The following PIP4K2A variants were observed in gnomAD, a reference collection of about 807,000 sequenced individuals.
PIP4K2A encodes phosphatidylinositol-5-phosphate 4-kinase type 2 alpha, also known as phosphatidylinositol 5-phosphate 4-kinase type-2 alpha.
Under a neutral mutation model 42.9 loss-of-function variants are expected in PIP4K2A, and 14 were observed. That is an observed-to-expected ratio of 0.33 (90% confidence interval 0.22 to 0.51). The LOEUF (loss-of-function observed/expected upper bound fraction) is 0.51. PIP4K2A is among the 20% of genes least tolerant of loss of function. The pLI is 0.97. For missense variants in PIP4K2A, 434 were observed against 519.8 expected (o/e 0.83, Z 1.61); for synonymous variants, 192 against 192.2 (o/e 1.00, Z 0.01).
At chr10:22,651,963 G>T (rs1357934194) in intron 1 of PIP4K2A, among the ~76,000 whole-genome samples, 1 of 152,156 alleles carries the variant, frequency 6.6e-6, no homozygotes, top group Non-Finnish European at 1.5e-5. Context: ...TGCAGAGACT[G>T]AGCCACTATT....
chr10:22,579,404 T>A (rs1332092063), intron 4 of PIP4K2A, among the ~76,000 whole-genome samples: 2 of 152,222 alleles, frequency 1.3e-5, no homozygotes, highest in African/African-American at 2.4e-5. Context: ...CTTAAAATTC[T>A]CTCAACTTCC....
At chr10:22,702,779 G>T (rs1040367349) in intron 1 of PIP4K2A, among the ~76,000 whole-genome samples, 2 of 152,062 alleles carry the variant, frequency 1.3e-5, no homozygotes, top group African/African-American at 2.4e-5. Context: ...TACCACCTGA[G>T]AACTAATGGC....
chr10:22,613,018 G>A (rs1838091623), intron 1 of PIP4K2A, among the ~76,000 whole-genome samples: 1 of 152,182 alleles, frequency 6.6e-6, no homozygotes, highest in African/African-American at 2.4e-5. Flanking sequence ...CAAGCCTGGA[G>A]AAGAGGATGA....
intron 1 of PIP4K2A, among the ~76,000 whole-genome samples, chr10:22,638,669 G>A (rs1838718339): frequency 6.6e-6 from 1 of 151,810 alleles, no homozygotes. Flanking sequence ...GAAGGGGGAG[G>A]GAAAAAAACC....
intron 1 of PIP4K2A, among the ~76,000 whole-genome samples, chr10:22,642,662 A>G (rs1001073557): frequency 1.7e-5 from 2 of 117,906 alleles, no homozygotes; most frequent in African/African-American, 6.5e-5. Context: ...ATAATAGAAC[A>G]GTGTATTTAT....
intron 1 of PIP4K2A, among the ~76,000 whole-genome samples, chr10:22,633,767 T>C (rs957399722): frequency 3.9e-5 from 6 of 152,158 alleles, no homozygotes; most frequent in East Asian, 1.9e-4. Context: ...AACACTCGCA[T>C]GTAGTTTTGT....
chr10:22,564,284 G>A (rs1316529155), intron 6 of PIP4K2A, among the ~76,000 whole-genome samples: 1 of 152,162 alleles, frequency 6.6e-6, no homozygotes, highest in African/African-American at 2.4e-5. Flanking sequence ...CAGCAACCAC[G>A]CCATTAGCTG....
intron 7 of PIP4K2A, among the ~76,000 whole-genome samples, chr10:22,549,421 C>T (rs1836343272): frequency 6.6e-6 from 1 of 151,626 alleles, no homozygotes; most frequent in Non-Finnish European, 1.5e-5. Flanking sequence ...AGTAGCAGAT[C>T]CGTACTGGTG....
intron 1 of PIP4K2A, among the ~76,000 whole-genome samples, chr10:22,686,654 G>C (rs1289516496): frequency 6.6e-6 from 1 of 151,996 alleles, no homozygotes; most frequent in African/African-American, 2.4e-5. Context: ...TTTTTTAGTA[G>C]AAACGAGGTC....
At chr10:22,694,180 G>A (rs1241402867) in intron 1 of PIP4K2A, 1 of 152,160 alleles carries the variant, frequency 6.6e-6, no homozygotes, top group African/African-American at 2.4e-5. Context: ...GATGTGTATA[G>A]GCGAGGGGTA....
At chr10:22,620,021 C>T (rs1024036611) in intron 1 of PIP4K2A, among the ~76,000 whole-genome samples, 1 of 152,162 alleles carries the variant, frequency 6.6e-6, no homozygotes, top group Non-Finnish European at 1.5e-5. Context: ...AAACAAGAAT[C>T]ATTAAGTCAA....
chr10:22,712,631 T>A (rs2130934721), intron 1 of PIP4K2A, among the ~76,000 whole-genome samples: 1 of 152,354 alleles, frequency 6.6e-6, no homozygotes, highest in South Asian at 2.1e-4. Context: ...TCATTTTCCG[T>A]AATAAAACTT....
chr10:22,655,769 TACTC>T (rs1483680226), intron 1 of PIP4K2A, among the ~76,000 whole-genome samples: 2 of 152,226 alleles, frequency 1.3e-5, no homozygotes, highest in African/African-American at 4.8e-5. Context: ...TTCGCTTACT[TACTC>T]ATTTATTGAC....
chr10:22,547,104 C>G (rs989726854), intron 7 of PIP4K2A, among the ~76,000 whole-genome samples: 2 of 152,246 alleles, frequency 1.3e-5, no homozygotes, highest in African/African-American at 2.4e-5. Context: ...CTTTACGAGT[C>G]TAAGACTATC....
At chr10:22,658,153 T>C (rs1353141349) in intron 1 of PIP4K2A, among the ~76,000 whole-genome samples, 1 of 152,232 alleles carries the variant, frequency 6.6e-6, no homozygotes, top group African/African-American at 2.4e-5. Context: ...TCAGAATTAG[T>C]AGAATTTCAA....
intron 1 of PIP4K2A, among the ~76,000 whole-genome samples, chr10:22,683,184 C>T (rs898222947): frequency 6.6e-6 from 1 of 152,162 alleles, no homozygotes; most frequent in African/African-American, 2.4e-5. Context: ...GCCTCTCTAG[C>T]AAGGGCAGCT....
intron 6 of PIP4K2A, among the ~76,000 whole-genome samples, chr10:22,563,578 T>C (rs745660029): frequency 5.9e-5 from 9 of 152,196 alleles, no homozygotes; most frequent in Non-Finnish European, 1.0e-4. Flanking sequence ...ATTTTCACAA[T>C]GGGATTAACA....
rs1836052755 is a variant in PIP4K2A, at chr10:22,539,903, GA to G, written c.1140+67del. 4.5e-5 allele frequency: 19 copies of G among 424,644 alleles called. No individual in the cohort carries two copies. In the East Asian group the frequency reaches 4.6e-4, roughly 10 times the overall value. 26.3% of individuals were successfully genotyped at this position (424,644 alleles called of 1,614,324 possible). Reference sequence around the variant, plus strand: ...AGGAGCCAGGAGAGAGAGAGAGAGAGAGAGAGAGGGAGAGAGAGAGAGAGAG... The same window carrying G: ...AGGAGCCAGGAGAGAGAGAGAGAGAGGAGAGAGGGAGAGAGAGAGAGAGAG... On this transcript the variant is annotated intron_variant, in intron 9 of 9. Coordinates refer to ENST00000376573, the MANE Select transcript of PIP4K2A (RefSeq NM_005028.5).
chr10:22,690,656 T>C (rs1839850105), intron 1 of PIP4K2A, among the ~76,000 whole-genome samples: 1 of 152,200 alleles, frequency 6.6e-6, no homozygotes, highest in Non-Finnish European at 1.5e-5. Context: ...GCACATGGAC[T>C]GACATTTGGG....
Sources: gnomAD v4.1 joint callset for allele counts (sites outside exome capture counted in the v4.1 genomes callset) on GRCh38, gnomAD v4.1.1 for gene constraint, MANE v1.5 for transcripts, NCBI Gene and HGNC (gene_info 2026-07-23, HGNC 2026-07-21) for gene names.